The following RAP1A variants were observed in gnomAD, a reference collection of about 807,000 sequenced individuals.
RAP1A encodes the protein ras-related protein Rap-1A.
In RAP1A, 6 loss-of-function variants were observed where a neutral mutation model predicts 26.4. The observed-to-expected ratio is 0.23, with a 90% CI of 0.12 to 0.45. The LOEUF is 0.45. Among genes scored for constraint, RAP1A ranks in the 20% least tolerant of loss-of-function variants. The pLI is 0.99. For synonymous variants in RAP1A, 73 were observed against 79.4 expected, an observed-to-expected ratio of 0.92 and a Z score of 0.43; for missense variants, 121 against 217.2, an observed-to-expected ratio of 0.56 and a Z score of 2.78.
intron 1 of RAP1A, among the ~76,000 whole-genome samples, chr1:111,581,974 G>A (rs922001019): frequency 2.6e-5 from 4 of 152,172 alleles, no homozygotes; most frequent in African/African-American, 9.7e-5. Flanking sequence ...GAGTCACAGA[G>A]GTCAAGTTAA....
chr1:111,693,365 A>C lies in RAP1A; in HGVS notation c.57+1948A>C, dbSNP rs143319794. Among the ~76,000 whole-genome samples, 107 of 152,136 alleles carry C rather than the reference A, an allele frequency of 7.0e-4. 3 individuals are homozygous for C. In the East Asian group the frequency reaches 0.02, roughly 29 times the overall value. On this transcript the variant is annotated intron_variant, in intron 2 of 7. Transcript: ENST00000369709. ...GCTGGAGAGATATTGGGGTTAAGGGAGGTTTTTGTTTTTGTTTTAGAATTG... is the reference window on the plus strand; with the variant it reads ...GCTGGAGAGATATTGGGGTTAAGGGCGGTTTTTGTTTTTGTTTTAGAATTG...
At chr1:111,642,786 C>CTTT (rs11414021) in intron 1 of RAP1A, among the ~76,000 whole-genome samples, 49 of 119,460 alleles carry the variant, frequency 4.1e-4, no homozygotes, top group Non-Finnish European at 7.1e-4. Context: ...CGTGCCCAGC[C>CTTT]TTTTTTTTTT....
chr1:111,562,835 A>T (rs1657793138), intron 1 of RAP1A, among the ~76,000 whole-genome samples: 1 of 152,210 alleles, frequency 6.6e-6, no homozygotes, highest in Non-Finnish European at 1.5e-5. Flanking sequence ...GTTTGCTTTT[A>T]GTTCTCAATC....
chr1:111,542,779 C>T (rs1006268899), intron 1 of RAP1A, among the ~76,000 whole-genome samples: 2 of 152,016 alleles, frequency 1.3e-5, no homozygotes, highest in East Asian at 3.9e-4. Flanking sequence ...TCACTGAAAC[C>T]TCCGCCTCCC....
At chr1:111,564,058 G>T (rs950348999) in intron 1 of RAP1A, 5 of 815,398 alleles carry the variant, frequency 6.1e-6, no homozygotes, top group South Asian at 5.7e-5. Flanking sequence ...CCTGTTTTGG[G>T]GGGTAGAGAA....
chr1:111,626,786 C>G (rs962157577), intron 1 of RAP1A, among the ~76,000 whole-genome samples: 2 of 152,058 alleles, frequency 1.3e-5, no homozygotes, highest in African/African-American at 4.8e-5. Flanking sequence ...TTGTATTATT[C>G]TCAGTAGACA....
chr1:111,632,225 C>T (rs201365449), intron 1 of RAP1A, among the ~76,000 whole-genome samples: 1 of 145,870 alleles, frequency 6.9e-6, no homozygotes, highest in Admixed American at 6.8e-5. Context: ...TAAATGAGGG[C>T]TTTTTTTTTT....
At chr1:111,711,401 C>T (rs1226514495) in intron 7 of RAP1A, among the ~76,000 whole-genome samples, 1 of 152,146 alleles carries the variant, frequency 6.6e-6, no homozygotes, top group East Asian at 1.9e-4. Flanking sequence ...TGGCCTATTA[C>T]GATTTTTAAA....
intron 1 of RAP1A, among the ~76,000 whole-genome samples, chr1:111,657,613 C>A (rs905249766): frequency 2.6e-5 from 4 of 152,098 alleles, no homozygotes; most frequent in African/African-American, 9.7e-5. Flanking sequence ...AGTCTTTGAT[C>A]CATTTTGAGT....
chr1:111,650,201 TAAG>T (rs1411420462), intron 1 of RAP1A, among the ~76,000 whole-genome samples: 2 of 147,832 alleles, frequency 1.4e-5, no homozygotes, highest in East Asian at 2.1e-4. Flanking sequence ...CTTTTAAAGA[TAAG>T]AAGTTTGGGC....
intron 1 of RAP1A, among the ~76,000 whole-genome samples, chr1:111,642,450 C>G (rs751228066): frequency 6.6e-6 from 1 of 151,462 alleles, no homozygotes; most frequent in Non-Finnish European, 1.5e-5. Flanking sequence ...CTTATTCCTC[C>G]TGAAGTTAAT....
chr1:111,648,368 G>T, intron 1 of RAP1A: 2 of 650,898 alleles, frequency 3.1e-6, no homozygotes, highest in South Asian at 1.5e-5. Flanking sequence ...CTTTTGGATG[G>T]TTCGCATGGA....
At chr1:111,639,278 A>G (rs1280397320) in intron 1 of RAP1A, among the ~76,000 whole-genome samples, 2 of 152,174 alleles carry the variant, frequency 1.3e-5, no homozygotes, top group Non-Finnish European at 2.9e-5. Context: ...ATATAGCTCA[A>G]AATATCAGAA....
Position 111,697,351 on chromosome 1 carries a change from T to C in RAP1A, c.127-90T>C. The C allele has an allele frequency of 3.1e-6, 5 of 1,597,338 alleles. No homozygotes were observed. In the Admixed American group the frequency reaches 5.1e-5, roughly 16 times the overall value. On this transcript the variant is annotated intron_variant, in intron 3 of 7. Transcript: ENST00000369709. ...TGCTGGAGACAGGCTTTGTATTTGT[T>C]AATAGTTACTTTGATGGAAGAGGTG...
At chr1:111,673,209 C>T (rs1050621626) in intron 1 of RAP1A, among the ~76,000 whole-genome samples, 1 of 152,194 alleles carries the variant, frequency 6.6e-6, no homozygotes, top group Non-Finnish European at 1.5e-5. Context: ...TCACTCCCCT[C>T]CCCACCAGCA....
At chr1:111,611,222 T>C (rs1281567769) in intron 1 of RAP1A, among the ~76,000 whole-genome samples, 1 of 152,218 alleles carries the variant, frequency 6.6e-6, no homozygotes, top group East Asian at 1.9e-4. Flanking sequence ...AGGAATATTT[T>C]GTAAAAGTTT....
chr1:111,620,882 C>T (rs946370331), intron 1 of RAP1A, among the ~76,000 whole-genome samples: 1 of 152,108 alleles, frequency 6.6e-6, no homozygotes, highest in Non-Finnish European at 1.5e-5. Flanking sequence ...GAGAGGAAGA[C>T]ATTTGTGCCT....
intron 1 of RAP1A, among the ~76,000 whole-genome samples, chr1:111,683,991 G>T (rs997469182): frequency 6.6e-6 from 1 of 152,204 alleles, no homozygotes; most frequent in Non-Finnish European, 1.5e-5. Context: ...TCCCTGGGGT[G>T]CAAAGTTGGT....
intron 1 of RAP1A, among the ~76,000 whole-genome samples, chr1:111,676,282 G>T (rs1661121151): frequency 6.6e-6 from 1 of 152,138 alleles, no homozygotes; most frequent in African/African-American, 2.4e-5. Flanking sequence ...CTTGAACCTG[G>T]GAGGCAGAGG....
Sources: allele counts gnomAD v4.1 joint callset (sites outside exome capture counted in the v4.1 genomes callset), GRCh38; gene constraint gnomAD v4.1.1; transcripts MANE v1.5; gene names NCBI Gene and HGNC (gene_info 2026-07-23, HGNC 2026-07-21).